Variants in CEBPZ observed in about 807,000 individuals in gnomAD.
CEBPZ encodes CCAAT/enhancer-binding protein zeta.
CEBPZ carries 78 observed loss-of-function variants against 104.5 expected under a neutral mutation model. That is an observed-to-expected ratio of 0.75 (90% CI 0.62 to 0.90). CEBPZ has a LOEUF of 0.90. Ranked by LOEUF, CEBPZ falls within the 40% of genes least tolerant of loss-of-function variation. The probability of loss-of-function intolerance (pLI) is 0.00; values close to 1 mark genes in which losing one functional copy is unlikely to be tolerated. For synonymous variants in CEBPZ, 470 were observed against 427.0 expected, an observed-to-expected ratio of 1.10 and a Z score of -1.24; for missense variants, 1,439 against 1,233.5, an observed-to-expected ratio of 1.17 and a Z score of -2.50.
rs772029501 is a variant in CEBPZ at position 37,228,880 on chromosome 2, C to T, written c.313G>A (p.Asp105Asn). The T allele has an allele frequency of 1.9e-6, 3 of 1,604,956 alleles. No individual in the cohort carries two copies. Among genetic ancestry groups the T allele is most frequent in the East Asian group, 4.5e-5 (2 of 44,768 alleles). ...GAATTTTCTTTTTCAGCTGGTTCAT[C>T]TTCTTCAACTAAGGAAGCTTTTGTA... ...KYTKASLVEE[D>N]EPAEKENSSK... The change falls in exon 2 of 16, where the codon GAT becomes AAT. Residue 105 changes from aspartate to asparagine, a missense_variant. Transcript: ENST00000234170.
chr2:37,228,259 A>T lies in CEBPZ; in HGVS notation c.934T>A (p.Phe312Ile). 3 of 1,614,220 alleles carry T rather than the reference A, an allele frequency of 1.9e-6. No homozygotes were observed. The highest frequency in any genetic ancestry group is 2.5e-6 in the Non-Finnish European group (3 of 1,180,032). The change falls in exon 2 of 16, where the codon TTT becomes ATT. Residue 312 changes from phenylalanine to isoleucine, a missense_variant. Physicochemically the swap from Phe to Ile is conservative, Grantham distance 21. Transcript: ENST00000234170. ...CTGGACAACTGTTCCAGTTTGTCAA[A>T]AGGACGCTGGCTGAAAATCCTCAGC... ...RKLRIFSQRP[F>I]DKLEQLSSGN... is the part of the protein sequence containing the mutation.
At chr2:37,230,698 C>A (rs1316790778) in intron 1 of CEBPZ, among the ~76,000 whole-genome samples, 1 of 152,194 alleles carries the variant, frequency 6.6e-6, no homozygotes, top group South Asian at 2.1e-4. Flanking sequence ...CTATTCTCCC[C>A]TTAACTCACT....
intron 8 of CEBPZ, 41 bp from the exon 9 acceptor site, chr2:37,214,993 T>A: frequency 7.9e-7 from 1 of 1,264,432 alleles, no homozygotes; most frequent in Non-Finnish European, 1.2e-6. Flanking sequence ...CATATAGCAA[T>A]CCCCTTTATG....
chr2:37,201,690 T>C lies in CEBPZ; in HGVS notation c.*74A>G, dbSNP rs1460541747. On this transcript the variant is annotated 3_prime_UTR_variant, in exon 16 of 16. Transcript: ENST00000234170. The stretch of plus-strand genomic sequence containing the variant: ...TCTGGAATGTATGGAATCAGAGAGC[T>C]AGATCAAAAAACATGGTTGAACAGC... 7 of 892,152 alleles carry C rather than the reference T, an allele frequency of 7.8e-6. No individual in the cohort carries two copies. In the East Asian group the frequency reaches 1.8e-4, roughly 23 times the overall value. 55.3% of individuals were successfully genotyped at this position (892,152 alleles called of 1,614,324 possible).
chr2:37,205,545 C>T (rs977468065), intron 13 of CEBPZ, among the ~76,000 whole-genome samples: 2 of 152,166 alleles, frequency 1.3e-5, no homozygotes, highest in Non-Finnish European at 2.9e-5. Context: ...ACTCTCTTTT[C>T]GGACTCAGCC....
intron 5 of CEBPZ, among the ~76,000 whole-genome samples, chr2:37,218,225 C>T (rs754554967): frequency 3.3e-5 from 5 of 151,738 alleles, no homozygotes; most frequent in Non-Finnish European, 7.4e-5. Context: ...TGAGATCGCA[C>T]CACCGCACTC....
At chr2:37,203,776 A>G (rs1041042627) in intron 13 of CEBPZ, 9 of 152,314 alleles carry the variant, frequency 5.9e-5, no homozygotes, top group African/African-American at 1.4e-4. Context: ...TTTTCTGGCT[A>G]TTTCATATAA....
At chr2:37,211,543 C>G (rs1051208039) in intron 12 of CEBPZ, 1 of 302,288 alleles carries the variant, frequency 3.3e-6, no homozygotes, top group Non-Finnish European at 6.1e-6. Context: ...CTTTTATAAA[C>G]TGCTAATTAC....
At position 37,213,932 on chromosome 2, in the gene CEBPZ, T is replaced by C. The variant is rs1341723676; in HGVS notation, c.2477A>G (p.Lys826Arg). 6.3e-7 allele frequency: 1 copy of C among 1,589,742 alleles called. No individual in the cohort carries two copies. The highest frequency in any genetic ancestry group is 1.9e-5 in the Admixed American group (1 of 53,714). Residue 826 changes from lysine to arginine, a missense_variant, in exon 10 of 16, where the codon AAA becomes AGA. Physicochemically the swap from Lys to Arg is conservative, Grantham distance 26. Coordinates refer to ENST00000234170, the MANE Select transcript of CEBPZ (RefSeq NM_005760.3). ...RYYKKVAVKE[K>R]QKRDADEESI... ...TTCTTCATCTGCATCCCGTTTTTGT[T>C]TCTCTTTAACAGCAACTTTTTTATA...
At position 37,216,157 on chromosome 2, in the gene CEBPZ, T is replaced by A. The variant is rs1302776800; in HGVS notation, c.2363A>T (p.Asp788Val). The change falls in exon 8 of 16, where the codon GAT becomes GTT. Residue 788 changes from aspartate to valine, a missense_variant. Asp to Val is a radical substitution (Grantham distance 152, BLOSUM62 -3). Transcript: ENST00000234170. Reference protein sequence around the residue: ...MQPKRKHFIKDIRHLPVNSKE... With the variant: ...MQPKRKHFIKVIRHLPVNSKE... ...ATACTTACCAGGAAGATGACGAATATCCTTAATAAAATGTTTTCTTTTCGG... is the reference window on the plus strand; with the variant it reads ...ATACTTACCAGGAAGATGACGAATAACCTTAATAAAATGTTTTCTTTTCGG... The A allele has an allele frequency of 1.2e-6, 2 of 1,612,020 alleles. No individual in the cohort carries two copies. Among genetic ancestry groups the A allele is most frequent in the Non-Finnish European group, 1.7e-6 (2 of 1,178,988 alleles).
intron 5 of CEBPZ, among the ~76,000 whole-genome samples, chr2:37,219,657 G>A (rs952596657): frequency 2.0e-5 from 3 of 152,088 alleles, no homozygotes; most frequent in Non-Finnish European, 4.4e-5. Context: ...GAGAATAGCT[G>A]CATAAGATAC....
intron 4 of CEBPZ, among the ~76,000 whole-genome samples, chr2:37,220,749 G>C (rs1664751541): frequency 6.6e-6 from 1 of 152,170 alleles, no homozygotes. Flanking sequence ...ACAGCACTTA[G>C]GGAGGCTGAG....
Position 37,221,959 on chromosome 2 carries a change from C to T in CEBPZ, c.2065+421G>A, listed in dbSNP as rs116710749. Among the ~76,000 whole-genome samples the T allele has an allele frequency of 8.4e-3, 1,286 of 152,206 alleles. 19 individuals are homozygous for T. The highest frequency in any genetic ancestry group is 0.029 in the African/African-American group (1,223 of 41,512). On this transcript the variant is annotated intron_variant, in intron 4 of 15. Transcript: ENST00000234170. ...AACCACTTAACGTTTCTATCTTGAA[C>T]AGAAAGTTTTCTATCCCTAAAACAT...
intron 10 of CEBPZ, chr2:37,212,709 C>T (rs1216235038): frequency 6.2e-6 from 2 of 322,828 alleles, no homozygotes; most frequent in East Asian, 6.7e-5. Context: ...ATTAGAACTA[C>T]TTAAGTGCTC....
chr2:37,222,333 T>G, intron 4 of CEBPZ, 47 bp downstream of exon 4: 1 of 1,392,886 alleles, frequency 7.2e-7, no homozygotes, highest in Non-Finnish European at 9.7e-7. Context: ...TCTATGAAAA[T>G]CAAAGAGAAA....
In CEBPZ at chr2:37,227,693, A is replaced by C. The variant is rs1396676149; in HGVS notation, c.1500T>G (p.Gly500=). ...CAATCTGCTCCCTTACTTTGTCATC[A>C]CCAGTCTGGGAATAAGGGTATGCCC... ...VNRAYPYSQT[G]DDKVREQIDT... is the part of the protein sequence containing the mutation. Residue 500 remains glycine, a synonymous_variant, in exon 2 of 16, where the codon GGT becomes GGG. Coordinates refer to ENST00000234170, the MANE Select transcript of CEBPZ (RefSeq NM_005760.3). 6.2e-7 allele frequency: 1 copy of C among 1,614,032 alleles called. No individual in the cohort carries two copies. The highest frequency in any genetic ancestry group is 8.5e-7 in the Non-Finnish European group (1 of 1,180,032).
chr2:37,229,596 T>C (rs140956356), intron 1 of CEBPZ, among the ~76,000 whole-genome samples: 42 of 152,336 alleles, frequency 2.8e-4, no homozygotes, highest in Admixed American at 2.3e-3. Flanking sequence ...CTTTCATACA[T>C]GGTTGATGTG....
intron 12 of CEBPZ, 92 bp downstream of exon 12, chr2:37,211,751 G>T (rs1216855360): frequency 3.4e-6 from 3 of 886,790 alleles, no homozygotes; most frequent in Non-Finnish European, 1.7e-6. Context: ...TTTGAATACA[G>T]GGCTATATTA....
At chr2:37,220,322 A>G (rs11124567) in intron 5 of CEBPZ, 63 bp downstream of exon 5, 179,833 of 394,544 alleles carry the variant, frequency 0.46, 31,278 homozygotes, top group East Asian at 0.65. Context: ...TCTCAAAAAA[A>G]AAAAAAATAT....
Sources: gnomAD v4.1 joint callset for allele counts (sites outside exome capture counted in the v4.1 genomes callset) on GRCh38, gnomAD v4.1.1 for gene constraint, MANE v1.5 for transcripts, NCBI Gene and HGNC (gene_info 2026-07-23, HGNC 2026-07-21) for gene names.